The following CPEB1 variants were observed in gnomAD, a reference collection of about 807,000 sequenced individuals.
The protein encoded by CPEB1 is cytoplasmic polyadenylation element-binding protein 1.
Under a neutral mutation model 65.8 loss-of-function variants are expected in CPEB1, and 7 were observed. The ratio of observed to expected loss-of-function variants is 0.11; its 90% CI spans 0.06 to 0.20. The LOEUF is 0.20. Among genes scored for constraint, CPEB1 ranks in the 10% least tolerant of loss-of-function variants. The pLI, the probability that CPEB1 is intolerant of heterozygous loss-of-function variation, is 1.00. For synonymous variants in CPEB1, 262 were observed against 260.0 expected, an observed-to-expected ratio of 1.01 and a Z score of -0.08; for missense variants, 551 against 712.2, an observed-to-expected ratio of 0.77 and a Z score of 2.58.
At chr15:82,631,409 C>A (rs866968704) in intron 1 of CPEB1, among the ~76,000 whole-genome samples, 1 of 151,458 alleles carries the variant, frequency 6.6e-6, no homozygotes, top group Admixed American at 6.6e-5. Flanking sequence ...TTTGCCTTAA[C>A]CAATTTGGAA....
chr15:82,592,953 C>A (rs915039919), intron 3 of CPEB1, among the ~76,000 whole-genome samples: 5 of 152,178 alleles, frequency 3.3e-5, no homozygotes, highest in South Asian at 2.1e-4. Context: ...GCCAAGATTG[C>A]GCTGCTACAC....
At position 82,632,729 on chromosome 15, in the gene CPEB1, A is replaced by T. The variant is rs907958195; in HGVS notation, c.-97-4173T>A. Among the ~76,000 whole-genome samples, 6 of 150,630 alleles carry T rather than the reference A, an allele frequency of 4.0e-5. No homozygotes were observed. The East Asian group carries it at 1.2e-3, about 30-fold the overall frequency. ...TTCCCCTCAGAGAAAAGGTCTCGCTATGTTGTCCAGGCTGGTCTTGAATTC... is the reference window on the plus strand; with the variant it reads ...TTCCCCTCAGAGAAAAGGTCTCGCTTTGTTGTCCAGGCTGGTCTTGAATTC... On this transcript the variant is annotated intron_variant, in intron 1 of 12. Coordinates refer to ENST00000684509, the MANE Select transcript of CPEB1 (RefSeq NM_001365242.1).
At chr15:82,598,255 CACCTGAGGT>C (rs2042816468) in intron 3 of CPEB1, among the ~76,000 whole-genome samples, 2 of 17,882 alleles carry the variant, frequency 1.1e-4, no homozygotes, top group African/African-American at 1.3e-3. Context: ...GTGGGTGGAT[CACCTGAGGT>C]GGGTGGATCA....
rs575783759 is a variant in CPEB1 at position 82,601,148 on chromosome 15, C to T, written c.271+26045G>A. Among the ~76,000 whole-genome samples the T allele has an allele frequency of 2.1e-4, 31 of 150,772 alleles. No individual in the cohort carries two copies. The South Asian group carries it at 4.0e-3, about 20-fold the overall frequency. ...CTCGAACTCCTGGCCTCAGGTGATC[C>T]GCCCCCACCTCGACCTCCCAAAGTG... On this transcript the variant is annotated intron_variant, in intron 3 of 12. Transcript: ENST00000684509.
chr15:82,619,455 T>C (rs1740323567), intron 3 of CPEB1, among the ~76,000 whole-genome samples: 1 of 152,208 alleles, frequency 6.6e-6, no homozygotes, highest in East Asian at 1.9e-4. Flanking sequence ...CATTACAATT[T>C]AAGTTTTCTG....
Position 82,557,950 on chromosome 15 carries a change from A to G in CPEB1, c.497T>C (p.Leu166Pro), listed in dbSNP as rs2037517148. The G allele has an allele frequency of 1.9e-6, 3 of 1,613,340 alleles. No homozygotes were observed. The highest frequency in any genetic ancestry group is 2.5e-6 in the Non-Finnish European group (3 of 1,179,600). Residue 166 changes from leucine (L) to proline (P), a missense_variant, in exon 5 of 13, where the codon CTA becomes CCA. Physicochemically the swap from Leu to Pro is moderately conservative, Grantham distance 98. Transcript: ENST00000684509. Reference protein sequence around the residue: ...SMLHNPLGNVLGKPPLSFLPL... With the variant: ...SMLHNPLGNVPGKPPLSFLPL... ...CAGGAAGCTCAAGGGGGGTTTTCCT[A>G]GGACATTTCCCAGTGGGTTATGGAG...
rs567226377 is a variant in CPEB1, at chr15:82,605,865, CCT to C, written c.271+21326_271+21327del. ...ACCAGCCTGACCAACATGAAGAATC[CCT>C]GTCTCTACTAAAAATACAAAATTAG... is the stretch of plus-strand genomic sequence containing the variant. On this transcript the variant is annotated intron_variant, in intron 3 of 12. Coordinates refer to ENST00000684509, the MANE Select transcript of CPEB1 (RefSeq NM_001365242.1). Among the ~76,000 whole-genome samples the C allele has an allele frequency of 4.2e-3, 641 of 151,796 alleles. 2 individuals carry two copies. Among genetic ancestry groups the C allele is most frequent in the Non-Finnish European group, 6.4e-3 (432 of 67,916 alleles).
At chr15:82,547,414 A>G (rs766816215) in intron 10 of CPEB1, among the ~76,000 whole-genome samples, 177 bp from the exon 11 acceptor site, 1 of 146,208 alleles carries the variant, frequency 6.8e-6, no homozygotes, top group African/African-American at 2.6e-5. Context: ...CTCCTGCCTC[A>G]GCCTCCCGAG....
intron 4 of CPEB1, chr15:82,562,196 G>C (rs1221409526): frequency 2.3e-6 from 1 of 440,698 alleles, no homozygotes; most frequent in Non-Finnish European, 4.5e-6. Flanking sequence ...ACATCTGTTT[G>C]TCTTCACATT....
chr15:82,586,472 T>TAG (rs2041812995), intron 3 of CPEB1, among the ~76,000 whole-genome samples: 1 of 152,196 alleles, frequency 6.6e-6, no homozygotes, highest in African/African-American at 2.4e-5. Context: ...CAGAGGCCTC[T>TAG]AGTTTTAAAT....
At chr15:82,614,346 G>A (rs1055857773) in intron 3 of CPEB1, among the ~76,000 whole-genome samples, 1 of 152,160 alleles carries the variant, frequency 6.6e-6, no homozygotes, top group Non-Finnish European at 1.5e-5. Context: ...TTATGTGGGT[G>A]TCTGCTGTAT....
intron 3 of CPEB1, among the ~76,000 whole-genome samples, chr15:82,578,370 G>T (rs2040888761): frequency 6.6e-6 from 1 of 152,138 alleles, no homozygotes; most frequent in South Asian, 2.1e-4. Flanking sequence ...CTAAATCAAA[G>T]AATTGTATGA....
intron 3 of CPEB1, among the ~76,000 whole-genome samples, chr15:82,605,270 G>A (rs1251911500): frequency 6.6e-6 from 1 of 152,160 alleles, no homozygotes; most frequent in Non-Finnish European, 1.5e-5. Context: ...ATGCTAGACA[G>A]TTACTTTAAT....
intron 3 of CPEB1, among the ~76,000 whole-genome samples, chr15:82,616,979 CAA>C (rs1471050258): frequency 6.6e-6 from 1 of 152,128 alleles, no homozygotes; most frequent in African/African-American, 2.4e-5. Flanking sequence ...CCATCTTCCC[CAA>C]AAGTTTATTT....
chr15:82,647,669 G>GC (rs1269985591), upstream of CPEB1: 15 of 388,658 alleles, frequency 3.9e-5, no homozygotes, highest in South Asian at 5.3e-4. Flanking sequence ...GAGGCTCCCT[G>GC]CCCCCCTCGC....
intron 1 of CPEB1, among the ~76,000 whole-genome samples, chr15:82,638,876 T>C (rs748422692): frequency 6.6e-5 from 10 of 152,222 alleles, no homozygotes; most frequent in Admixed American, 1.3e-4. Context: ...ATGTGTACCA[T>C]GAAGAATACA....
intron 4 of CPEB1, among the ~76,000 whole-genome samples, chr15:82,570,717 C>G (rs1277268594): frequency 6.6e-6 from 1 of 151,490 alleles, no homozygotes; most frequent in Non-Finnish European, 1.5e-5. Context: ...TCACTCTCAA[C>G]ACAAAGGGAA....
Position 82,553,921 on chromosome 15 carries a change from A to G in CPEB1, c.1011T>C (p.Ser337=). The G allele has an allele frequency of 6.2e-7, 1 of 1,612,982 alleles. No individual in the cohort carries two copies. The highest frequency in any genetic ancestry group is 8.5e-7 in the Non-Finnish European group (1 of 1,179,472). Reference sequence around the variant, plus strand: ...GAACACCTCCTAGAAACACCTTGCAAGAGTAGATGGGGTTCTTATAGTTCC... The same window carrying G: ...GAACACCTCCTAGAAACACCTTGCAGGAGTAGATGGGGTTCTTATAGTTCC... The part of the protein sequence containing the change: ...PPRNYKNPIY[S]CKVFLGGVPW... The change falls in exon 7 of 13, where the codon TCT becomes TCC. Residue 337 remains serine, a synonymous_variant. Transcript: ENST00000684509.
intron 3 of CPEB1, among the ~76,000 whole-genome samples, chr15:82,626,779 T>C (rs1477608575): frequency 6.6e-6 from 1 of 152,186 alleles, no homozygotes; most frequent in Non-Finnish European, 1.5e-5. Context: ...GTCGTAGTAC[T>C]AATAAAAAAA....
Sources: allele counts gnomAD v4.1 joint callset (sites outside exome capture counted in the v4.1 genomes callset), GRCh38; gene constraint gnomAD v4.1.1; transcripts MANE v1.5; gene names NCBI Gene and HGNC (gene_info 2026-07-23, HGNC 2026-07-21).